ARID2: variants seen among roughly 807,000 people sequenced by gnomAD.
ARID2 encodes AT-rich interactive domain-containing protein 2.
ARID2 carries 32 observed loss-of-function variants against 184.6 expected under a neutral mutation model. The ratio of observed to expected loss-of-function variants is 0.17; its 90% CI spans 0.13 to 0.23. ARID2 has a LOEUF of 0.23. Among genes scored for constraint, ARID2 ranks in the 10% least tolerant of loss-of-function variants. The probability of loss-of-function intolerance (pLI) is 1.00; values close to 1 mark genes in which losing one functional copy is unlikely to be tolerated. For synonymous variants in ARID2, 836 were observed against 772.6 expected, an observed-to-expected ratio of 1.08 and a Z score of -1.36; for missense variants, 1,696 against 2,197.6, an observed-to-expected ratio of 0.77 and a Z score of 4.56.
intron 3 of ARID2, among the ~76,000 whole-genome samples, chr12:45,754,762 G>A (rs1413288017): frequency 1.3e-5 from 2 of 152,174 alleles, no homozygotes; most frequent in Non-Finnish European, 2.9e-5. Flanking sequence ...GCCTGAGGAG[G>A]TAGGGACTTA....
At position 45,850,411 on chromosome 12, in the gene ARID2, T is replaced by G; in HGVS notation, c.2288T>G (p.Leu763Arg). The change falls in exon 15 of 21, where the codon CTT (leucine) becomes CGT (arginine). Residue 763 changes from leucine to arginine, a missense_variant. Around this residue, in one of 11 missense-constraint regions of ARID2, gnomAD observed 713 missense variants for 824.4 expected, o/e 0.86. Transcript: ENST00000334344. ...PVTVVNSQTL[L>R]HHPSVIPQQS... ...ACAGTTGTGAATTCTCAGACATTGCTTCACCATCCATCTGTAATTCCACAG... is the reference window on the plus strand; with the variant it reads ...ACAGTTGTGAATTCTCAGACATTGCGTCACCATCCATCTGTAATTCCACAG... 1 of 1,614,078 alleles carries G rather than the reference T, an allele frequency of 6.2e-7. No homozygotes were observed. The highest frequency in any genetic ancestry group is 8.5e-7 in the Non-Finnish European group (1 of 1,179,978).
chr12:45,864,195 C>T (rs1286202679), intron 16 of ARID2, among the ~76,000 whole-genome samples: 1 of 152,018 alleles, frequency 6.6e-6, no homozygotes, highest in Non-Finnish European at 1.5e-5. Flanking sequence ...AAGCCCCACT[C>T]CCTCTTATAT....
intron 6 of ARID2, among the ~76,000 whole-genome samples, chr12:45,824,569 A>G (rs1592099334): frequency 1.3e-5 from 2 of 152,208 alleles, no homozygotes; most frequent in Admixed American, 1.3e-4. Context: ...TGAGAACCAC[A>G]ATGAGATATC....
At chr12:45,857,771 T>C (rs144860946) in intron 15 of ARID2, among the ~76,000 whole-genome samples, 3,052 of 152,128 alleles carry the variant, frequency 0.02, 44 homozygotes, top group Middle Eastern at 0.031. Context: ...CTCTCTCTCT[T>C]TTTTTTAATA....
chr12:45,764,105 A>G (rs555908419), intron 3 of ARID2, among the ~76,000 whole-genome samples: 25 of 152,226 alleles, frequency 1.6e-4, no homozygotes, highest in Non-Finnish European at 3.1e-4. Flanking sequence ...AGACTTATCT[A>G]TGGACGTAAC....
At chr12:45,843,796 C>T (rs541739698) in intron 11 of ARID2, among the ~76,000 whole-genome samples, 41 of 152,162 alleles carry the variant, frequency 2.7e-4, no homozygotes, top group South Asian at 4.1e-4. Context: ...GTTGATTTTT[C>T]GGAAAATGTC....
At chr12:45,774,637 CT>C (rs1313091660) in intron 3 of ARID2, among the ~76,000 whole-genome samples, 1 of 152,128 alleles carries the variant, frequency 6.6e-6, no homozygotes, top group Non-Finnish European at 1.5e-5. Flanking sequence ...ACTGGTGGGA[CT>C]CTAAGAGACG....
chr12:45,754,632 CTCA>C (rs1263350689), intron 3 of ARID2, among the ~76,000 whole-genome samples: 5 of 152,196 alleles, frequency 3.3e-5, no homozygotes, highest in Admixed American at 3.3e-4. Context: ...CTTTTCTTAT[CTCA>C]TCAAGCAGCT....
intron 20 of ARID2, among the ~76,000 whole-genome samples, chr12:45,895,271 C>T (rs1288857974): frequency 2.0e-5 from 3 of 152,174 alleles, no homozygotes; most frequent in Non-Finnish European, 4.4e-5. Context: ...TCCTATTCAT[C>T]CTTTAAGATT....
In ARID2 at chr12:45,897,327, T is replaced by C. The variant is rs547082137; in HGVS notation, c.5363+3606T>C. Among the ~76,000 whole-genome samples, 272 of 152,354 alleles carry C rather than the reference T, an allele frequency of 1.8e-3. 2 individuals are homozygous for C. The highest frequency in any genetic ancestry group is 6.4e-3 in the African/African-American group (266 of 41,584). ...GGCAAAAGCTTTATAATATTGGATT[T>C]GGCAGTGATTTCTTGGGATATGACA... On this transcript the variant is annotated intron_variant, in intron 20 of 20. Coordinates refer to ENST00000334344, the MANE Select transcript of ARID2 (RefSeq NM_152641.4).
chr12:45,745,629 C>A (rs1402083317), intron 3 of ARID2, among the ~76,000 whole-genome samples: 3 of 152,180 alleles, frequency 2.0e-5, no homozygotes, highest in Non-Finnish European at 4.4e-5. Context: ...CTCACTGCAA[C>A]CTCCACCTCC....
At chr12:45,864,215 T>C (rs1408896064) in intron 16 of ARID2, among the ~76,000 whole-genome samples, 1 of 152,154 alleles carries the variant, frequency 6.6e-6, no homozygotes, top group Admixed American at 6.5e-5. Context: ...TCATCACATA[T>C]TGATGCTTGG....
intron 6 of ARID2, among the ~76,000 whole-genome samples, chr12:45,832,922 A>T (rs1489561750): frequency 6.6e-6 from 1 of 152,184 alleles, no homozygotes; most frequent in East Asian, 1.9e-4. Flanking sequence ...GAGGAACTTG[A>T]GCATGTGGAA....
At chr12:45,888,781 G>T (rs1289424500) in intron 16 of ARID2, among the ~76,000 whole-genome samples, 12 of 152,164 alleles carry the variant, frequency 7.9e-5, no homozygotes, top group Admixed American at 7.9e-4. Flanking sequence ...GCCTGTGGTT[G>T]TACACATCAA....
At chr12:45,885,114 G>T (rs1356752583) in intron 16 of ARID2, among the ~76,000 whole-genome samples, 2 of 150,544 alleles carry the variant, frequency 1.3e-5, no homozygotes, top group African/African-American at 4.9e-5. Context: ...AAATAAAGTT[G>T]GGTTAGCCTC....
chr12:45,822,338 CAA>C (rs1039477472), intron 6 of ARID2, among the ~76,000 whole-genome samples: 1 of 151,416 alleles, frequency 6.6e-6, no homozygotes, highest in East Asian at 1.9e-4. Context: ...CCCATCCCTA[CAA>C]AAAAAAGTAT....
chr12:45,740,591 G>A (rs529380264), intron 3 of ARID2, among the ~76,000 whole-genome samples: 39 of 152,048 alleles, frequency 2.6e-4, no homozygotes, highest in African/African-American at 8.4e-4. Context: ...AAAATCATTC[G>A]CTAATGTAAC....
intron 16 of ARID2, among the ~76,000 whole-genome samples, chr12:45,883,561 T>C (rs1458767266): frequency 6.8e-6 from 1 of 147,070 alleles, no homozygotes; most frequent in African/African-American, 2.5e-5. Context: ...CTTTCAGAAT[T>C]TATTTGCCAG....
intron 16 of ARID2, among the ~76,000 whole-genome samples, chr12:45,891,474 GTTAT>G (rs1944300951): frequency 6.6e-6 from 1 of 152,160 alleles, no homozygotes; most frequent in Non-Finnish European, 1.5e-5. Context: ...ATATGCTTGA[GTTAT>G]TATATGTAAT....
Sources: allele counts gnomAD v4.1 joint callset (sites outside exome capture counted in the v4.1 genomes callset), GRCh38; gene constraint gnomAD v4.1.1; regional missense constraint gnomAD v4.1.1; transcripts MANE v1.5; gene names NCBI Gene and HGNC (gene_info 2026-07-23, HGNC 2026-07-21).